DPP10: variants seen among roughly 807,000 people sequenced by gnomAD.
The protein encoded by DPP10 is inactive dipeptidyl peptidase 10.
A neutral mutation model predicts 120.9 loss-of-function variants in DPP10; 33 were observed. The observed-to-expected ratio is 0.27, with a 90% CI of 0.21 to 0.37. The LOEUF is 0.37. Ranked by LOEUF, DPP10 falls within the 10% of genes least tolerant of loss-of-function variation. The pLI is 1.00. For synonymous variants in DPP10, 337 were observed against 326.1 expected (o/e 1.03, Z -0.36); for missense variants, 816 against 942.8 (o/e 0.87, Z 1.76).
At chr2:114,449,542 C>T (rs761859215) in intron 1 of DPP10, among the ~76,000 whole-genome samples, 26 of 151,004 alleles carry the variant, frequency 1.7e-4, no homozygotes, top group East Asian at 3.9e-4. Context: ...TACCTGCAAA[C>T]GGATATAAGG....
chr2:115,427,493 C>G (rs1208907427), intron 3 of DPP10, among the ~76,000 whole-genome samples: 1 of 152,174 alleles, frequency 6.6e-6, no homozygotes, highest in Non-Finnish European at 1.5e-5. Flanking sequence ...GTGGCTTATG[C>G]TCTCTGGAGT....
chr2:115,484,118 A>ATT (rs1259112126), intron 3 of DPP10, among the ~76,000 whole-genome samples: 1 of 91,534 alleles, frequency 1.1e-5, no homozygotes, highest in African/African-American at 3.9e-5. Context: ...TCACAGACTC[A>ATT]TTTTTTTTTG....
At chr2:114,802,506 C>G (rs746271203) in intron 1 of DPP10, among the ~76,000 whole-genome samples, 15 of 95,596 alleles carry the variant, frequency 1.6e-4, no homozygotes, top group Non-Finnish European at 3.3e-4. Flanking sequence ...TCTTTATGAT[C>G]TGGAATAACC....
intron 21 of DPP10, among the ~76,000 whole-genome samples, chr2:115,835,669 C>T (rs1009440105): frequency 6.6e-6 from 1 of 152,054 alleles, no homozygotes; most frequent in Non-Finnish European, 1.5e-5. Flanking sequence ...ATGTTCTGAA[C>T]TCTATAAGAA....
chr2:115,563,370 C>T (rs2080807869), intron 5 of DPP10, among the ~76,000 whole-genome samples: 2 of 152,046 alleles, frequency 1.3e-5, no homozygotes, highest in South Asian at 4.1e-4. Flanking sequence ...TTGTGTATCT[C>T]TTAAGGAAAT....
intron 1 of DPP10, among the ~76,000 whole-genome samples, chr2:114,892,793 G>A (rs1347753382): frequency 1.3e-5 from 2 of 152,018 alleles, no homozygotes; most frequent in African/African-American, 4.8e-5. Context: ...TCCCATCACC[G>A]TATCTTTTTT....
chr2:114,777,447 A>C (rs1681862559), intron 1 of DPP10, among the ~76,000 whole-genome samples: 1 of 152,072 alleles, frequency 6.6e-6, no homozygotes, highest in Non-Finnish European at 1.5e-5. Flanking sequence ...TTCCTACTAA[A>C]TTATATTTCT....
At chr2:115,329,307 G>C (rs560811637) in intron 2 of DPP10, among the ~76,000 whole-genome samples, 61 of 152,032 alleles carry the variant, frequency 4.0e-4, no homozygotes, top group Non-Finnish European at 7.2e-4. Flanking sequence ...TCCCATTTTG[G>C]AAATATACTC....
intron 1 of DPP10, among the ~76,000 whole-genome samples, chr2:114,770,387 C>G (rs990160570): frequency 2.6e-5 from 4 of 152,098 alleles, no homozygotes; most frequent in African/African-American, 9.7e-5. Context: ...AATTACATTA[C>G]TTTTTTACAT....
At chr2:115,013,819 T>C (rs889706271) in intron 1 of DPP10, among the ~76,000 whole-genome samples, 1 of 152,082 alleles carries the variant, frequency 6.6e-6, no homozygotes, top group East Asian at 1.9e-4. Flanking sequence ...ATACACCCCA[T>C]ACTGGAGCAC....
intron 1 of DPP10, among the ~76,000 whole-genome samples, chr2:114,621,373 C>T (rs111303408): frequency 0.011 from 1,625 of 151,792 alleles, 44 homozygotes; most frequent in African/African-American, 0.037. Flanking sequence ...TGCTAATATG[C>T]CTTTTATCTA....
intron 1 of DPP10, among the ~76,000 whole-genome samples, chr2:115,299,483 A>C (rs991371804): frequency 6.6e-6 from 1 of 152,062 alleles, no homozygotes; most frequent in Non-Finnish European, 1.5e-5. Context: ...ACTTGGCTCC[A>C]TGGAGATCAC....
intron 1 of DPP10, among the ~76,000 whole-genome samples, chr2:114,717,427 A>C (rs952074942): frequency 3.3e-5 from 5 of 152,216 alleles, no homozygotes; most frequent in Middle Eastern, 3.2e-3. Flanking sequence ...AAATCAAAGA[A>C]AGACAAATGA....
intron 1 of DPP10, among the ~76,000 whole-genome samples, chr2:114,488,719 A>C (rs1681727638): frequency 6.6e-6 from 1 of 152,170 alleles, no homozygotes; most frequent in Non-Finnish European, 1.5e-5. Flanking sequence ...ATTTTGGAAA[A>C]CACCAGCCTC....
chr2:114,591,833 C>T (rs1484760276), intron 1 of DPP10, among the ~76,000 whole-genome samples: 2 of 152,088 alleles, frequency 1.3e-5, no homozygotes, highest in East Asian at 3.9e-4. Context: ...AGGGGTGAGC[C>T]ACTGCACCTG....
intron 1 of DPP10, among the ~76,000 whole-genome samples, chr2:114,692,963 A>G (rs988107816): frequency 6.6e-6 from 1 of 151,922 alleles, no homozygotes; most frequent in Admixed American, 6.6e-5. Flanking sequence ...TTTTAAGTCT[A>G]TGTGTGTCTT....
chr2:115,489,666 A>T (rs774587226), intron 3 of DPP10, among the ~76,000 whole-genome samples: 3 of 151,684 alleles, frequency 2.0e-5, no homozygotes, highest in Non-Finnish European at 2.9e-5. Flanking sequence ...TTCTAACCTA[A>T]CTACAGATAG....
At chr2:114,974,915 TA>T (rs1259062976) in intron 1 of DPP10, among the ~76,000 whole-genome samples, 5 of 152,012 alleles carry the variant, frequency 3.3e-5, no homozygotes, top group African/African-American at 1.2e-4. Context: ...GTCGTATCCA[TA>T]AAAATTAAAT....
At chr2:115,534,772 G>A (rs10198364) in intron 5 of DPP10, among the ~76,000 whole-genome samples, 2,043 of 150,644 alleles carry the variant, frequency 0.014, 50 homozygotes, top group African/African-American at 0.048. Flanking sequence ...TCCAGCACCT[G>A]TTGTTTCCTG....
Sources: gnomAD v4.1 joint callset for allele counts (sites outside exome capture counted in the v4.1 genomes callset) on GRCh38, gnomAD v4.1.1 for gene constraint, MANE v1.5 for transcripts, NCBI Gene and HGNC (gene_info 2026-07-23, HGNC 2026-07-21) for gene names.